The following ASIC2 variants were observed in gnomAD, a reference collection of about 807,000 sequenced individuals.
The protein encoded by ASIC2 is acid sensing ion channel subunit 2, also known as acid-sensing ion channel 2.
Under a neutral mutation model 57.3 loss-of-function variants are expected in ASIC2, and 25 were observed. The observed-to-expected ratio is 0.44, with a 90% CI of 0.32 to 0.61. The LOEUF is 0.61. Ranked by LOEUF, ASIC2 falls within the 20% of genes least tolerant of loss-of-function variation. ASIC2 has a pLI of 0.06. For missense variants in ASIC2, 641 were observed against 738.1 expected (o/e 0.87, Z 1.52); for synonymous variants, 319 against 307.5 (o/e 1.04, Z -0.39).
At chr17:33,015,193 G>T (rs1260834886) in intron 9 of ASIC2, among the ~76,000 whole-genome samples, 1 of 152,198 alleles carries the variant, frequency 6.6e-6, no homozygotes, top group Non-Finnish European at 1.5e-5. Flanking sequence ...GTGGGTGGTG[G>T]TCACTCAATG....
At chr17:33,750,797 C>G (rs1027542435) in intron 1 of ASIC2, among the ~76,000 whole-genome samples, 5 of 152,106 alleles carry the variant, frequency 3.3e-5, no homozygotes, top group African/African-American at 1.2e-4. Context: ...TGTATGTTTT[C>G]CTTCCTACTT....
chr17:33,071,381 T>G lies in ASIC2; in HGVS notation c.987+17482A>C, dbSNP rs183618891. Among the ~76,000 whole-genome samples the G allele has an allele frequency of 1.6e-4, 25 of 152,350 alleles. No individual in the cohort carries two copies. The East Asian group carries it at 4.6e-3, about 28-fold the overall frequency. On this transcript the variant is annotated intron_variant, in intron 3 of 9. Coordinates refer to ENST00000225823, the MANE Select transcript of ASIC2 (RefSeq NM_183377.2). ...TTTGCTGTTCATCTTATCCAGTGTA[T>G]TTTTAAAATCAAAGCCATTGTAGTT... is the stretch of plus-strand genomic sequence containing the variant.
chr17:33,481,905 A>G (rs1382167018), intron 1 of ASIC2, among the ~76,000 whole-genome samples: 1 of 152,170 alleles, frequency 6.6e-6, no homozygotes, highest in Admixed American at 6.5e-5. Flanking sequence ...CCTTCCCTTC[A>G]TAACCTCATT....
intron 1 of ASIC2, among the ~76,000 whole-genome samples, chr17:33,309,263 A>G (rs1906308050): frequency 6.6e-6 from 1 of 152,098 alleles, no homozygotes; most frequent in Non-Finnish European, 1.5e-5. Context: ...GCAGACACAC[A>G]TCTCTTTTTC....
At chr17:33,210,751 A>G (rs1907237249) in intron 1 of ASIC2, among the ~76,000 whole-genome samples, 1 of 152,222 alleles carries the variant, frequency 6.6e-6, no homozygotes, top group African/African-American at 2.4e-5. Flanking sequence ...GGGCACACCC[A>G]TCGTGTGCAG....
At chr17:33,156,286 C>G (rs542749846) in intron 1 of ASIC2, among the ~76,000 whole-genome samples, 1 of 151,870 alleles carries the variant, frequency 6.6e-6, no homozygotes, top group African/African-American at 2.4e-5. Context: ...TGCCACTGCA[C>G]CTGGCTAATT....
At chr17:34,076,466 A>G (rs1206174912) in intron 1 of ASIC2, among the ~76,000 whole-genome samples, 1 of 152,022 alleles carries the variant, frequency 6.6e-6, no homozygotes, top group African/African-American at 2.4e-5. Context: ...CTACCTTCAT[A>G]TCTACCTTTT....
intron 1 of ASIC2, among the ~76,000 whole-genome samples, chr17:33,380,630 G>A (rs920374134): frequency 6.6e-6 from 1 of 152,212 alleles, no homozygotes; most frequent in Admixed American, 6.5e-5. Flanking sequence ...CAGCTTTTCA[G>A]TGGTTGATCC....
intron 1 of ASIC2, among the ~76,000 whole-genome samples, chr17:33,986,673 A>G (rs1026943590): frequency 6.6e-6 from 1 of 152,134 alleles, no homozygotes; most frequent in South Asian, 2.1e-4. Flanking sequence ...GAGAAGAGGC[A>G]TAGGGTTTCA....
intron 1 of ASIC2, among the ~76,000 whole-genome samples, chr17:34,095,255 C>G (rs753156677): frequency 5.3e-5 from 8 of 152,102 alleles, no homozygotes; most frequent in Non-Finnish European, 7.4e-5. Context: ...CAGGTGGGCA[C>G]AGTGGATCAG....
chr17:33,554,474 A>G (rs1456504746), intron 1 of ASIC2, among the ~76,000 whole-genome samples: 1 of 152,186 alleles, frequency 6.6e-6, no homozygotes, highest in Non-Finnish European at 1.5e-5. Context: ...CTACTATGTC[A>G]ATAAGATAGG....
chr17:33,602,940 G>A (rs919165582), intron 1 of ASIC2, among the ~76,000 whole-genome samples: 2 of 152,142 alleles, frequency 1.3e-5, no homozygotes, highest in Admixed American at 1.3e-4. Context: ...ATCCTCGCAG[G>A]GGCTCTAAGA....
chr17:33,056,062 C>T (rs1381891590), intron 3 of ASIC2, among the ~76,000 whole-genome samples: 1 of 152,226 alleles, frequency 6.6e-6, no homozygotes, highest in African/African-American at 2.4e-5. Flanking sequence ...GAGAACCGTT[C>T]ATCTAGTCCA....
intron 1 of ASIC2, among the ~76,000 whole-genome samples, chr17:33,683,538 G>GT (rs537430063): frequency 2.3e-3 from 346 of 151,664 alleles, no homozygotes; most frequent in Non-Finnish European, 3.1e-3. Flanking sequence ...TGCCCAGATA[G>GT]TTTTTTTTTA....
At chr17:33,439,866 A>C (rs1279383076) in intron 1 of ASIC2, among the ~76,000 whole-genome samples, 1 of 152,232 alleles carries the variant, frequency 6.6e-6, no homozygotes, top group African/African-American at 2.4e-5. Flanking sequence ...CTGCCAGGCA[A>C]GGACAAGGCA....
intron 1 of ASIC2, among the ~76,000 whole-genome samples, chr17:33,924,141 T>C (rs1454422035): frequency 2.0e-5 from 3 of 152,236 alleles, no homozygotes; most frequent in Admixed American, 6.5e-5. Context: ...GCTTATCACA[T>C]GGCCTGGCCA....
At chr17:33,920,275 T>C (rs1915681004) in intron 1 of ASIC2, among the ~76,000 whole-genome samples, 1 of 152,220 alleles carries the variant, frequency 6.6e-6, no homozygotes, top group South Asian at 2.1e-4. Flanking sequence ...ACTGCAGCAC[T>C]ATTCATAATA....
chr17:33,439,688 A>G (rs1911757964), intron 1 of ASIC2, among the ~76,000 whole-genome samples: 1 of 152,226 alleles, frequency 6.6e-6, no homozygotes. Flanking sequence ...AAGAAAAACC[A>G]GAAGCCCAGA....
At chr17:33,957,699 T>A (rs1388743603) in intron 1 of ASIC2, among the ~76,000 whole-genome samples, 3 of 152,190 alleles carry the variant, frequency 2.0e-5, no homozygotes, top group Non-Finnish European at 4.4e-5. Flanking sequence ...CAATTCAAGA[T>A]GAGATTTGGG....
Sources: gnomAD v4.1 joint callset for allele counts (sites outside exome capture counted in the v4.1 genomes callset) on GRCh38, gnomAD v4.1.1 for gene constraint, MANE v1.5 for transcripts, NCBI Gene and HGNC (gene_info 2026-07-23, HGNC 2026-07-21) for gene names.